CDH4: variants seen among roughly 807,000 people sequenced by gnomAD.
CDH4 encodes cadherin-4.
CDH4 carries 33 observed loss-of-function variants against 86.0 expected under a neutral mutation model. The ratio of observed to expected loss-of-function variants is 0.38; its 90% CI spans 0.29 to 0.51. CDH4 has a LOEUF of 0.51. Among genes scored for constraint, CDH4 ranks in the 20% least tolerant of loss-of-function variants. The pLI is 0.86. For missense variants in CDH4, 1,114 were observed against 1,307.4 expected (o/e 0.85, Z 2.28); for synonymous variants, 555 against 549.4 (o/e 1.01, Z -0.14).
chr20:61,790,511 C>A (rs1345162583), intron 4 of CDH4, among the ~76,000 whole-genome samples: 1 of 150,964 alleles, frequency 6.6e-6, no homozygotes, highest in Non-Finnish European at 1.5e-5. Context: ...ATCCATTCAT[C>A]TTTCTACCTA....
chr20:61,902,409 G>A lies in CDH4; in HGVS notation c.1188+7362G>A, dbSNP rs1036805514. 2.0e-5 allele frequency among the ~76,000 whole-genome samples: 3 copies of A among 152,248 alleles called. No homozygotes were observed. Among genetic ancestry groups the A allele is most frequent in the Admixed American group, 6.5e-5 (1 of 15,290 alleles). The stretch of plus-strand genomic sequence containing the variant: ...CCCTGGGGCACGCGGTCACCACCCC[G>A]CAGAACCGCTCCCGTGCTCGTTGCA... On this transcript the variant is annotated intron_variant, in intron 8 of 15. Transcript: ENST00000614565. This position sits in a 1 kb window ranked among gnomAD's most constrained non-coding sequence, Gnocchi z 4.6.
intron 4 of CDH4, among the ~76,000 whole-genome samples, chr20:61,795,063 GTTATAA>G (rs1979450508): frequency 5.6e-5 from 1 of 17,728 alleles, no homozygotes; most frequent in African/African-American, 2.0e-4. Context: ...GATGATGATG[GTTATAA>G]TGGTGAGGGT....
chr20:61,433,889 G>C (rs866543517), intron 2 of CDH4, among the ~76,000 whole-genome samples: 4 of 152,160 alleles, frequency 2.6e-5, no homozygotes, highest in Non-Finnish European at 5.9e-5. Flanking sequence ...AAGATAAGAC[G>C]CTGAGTAGTT....
In CDH4 at chr20:61,391,678, C is replaced by T. The variant is rs182216375; in HGVS notation, c.169+136741C>T. 1.6e-4 allele frequency among the ~76,000 whole-genome samples: 25 copies of T among 152,286 alleles called. 2 individuals are homozygous for T. In the East Asian group the frequency reaches 4.8e-3, roughly 29 times the overall value. On this transcript the variant is annotated intron_variant, in intron 2 of 15. Transcript: ENST00000614565. ...TTGGTCCAAAGCTCTTCTTCTCTCC[C>T]GTGGGGAATGTGAGCAGAACGATCC...
At chr20:61,650,008 G>C (rs1036951906) in intron 2 of CDH4, among the ~76,000 whole-genome samples, 3 of 152,186 alleles carry the variant, frequency 2.0e-5, no homozygotes, top group African/African-American at 7.2e-5. Context: ...GTCTCCCCAG[G>C]TTGTGCCAGC....
intron 5 of CDH4, among the ~76,000 whole-genome samples, chr20:61,845,732 C>T (rs1377434998): frequency 6.6e-6 from 1 of 152,300 alleles, no homozygotes; most frequent in Non-Finnish European, 1.5e-5. Flanking sequence ...AGCACAAGCC[C>T]GTGCTGTCAG....
chr20:61,526,959 C>G (rs186436778), intron 2 of CDH4, among the ~76,000 whole-genome samples: 155 of 152,362 alleles, frequency 1.0e-3, no homozygotes, highest in African/African-American at 3.5e-3. Context: ...TTTGATATGT[C>G]AAGCGTTCTA....
intron 2 of CDH4, among the ~76,000 whole-genome samples, chr20:61,335,542 T>G (rs2084612358): frequency 6.6e-6 from 1 of 152,206 alleles, no homozygotes. Context: ...CACCAGCAGT[T>G]GTTCCTAATA....
chr20:61,605,645 C>G (rs981789274), intron 2 of CDH4, among the ~76,000 whole-genome samples: 1 of 151,850 alleles, frequency 6.6e-6, no homozygotes, highest in African/African-American at 2.4e-5. Context: ...CTCCCTCTCT[C>G]TGTCTCTATC....
intron 2 of CDH4, among the ~76,000 whole-genome samples, chr20:61,602,432 A>G (rs899098488): frequency 6.6e-6 from 1 of 152,148 alleles, no homozygotes; most frequent in Non-Finnish European, 1.5e-5. Flanking sequence ...GAACAGCTGG[A>G]TGGACATCTT....
intron 4 of CDH4, among the ~76,000 whole-genome samples, chr20:61,837,786 A>C (rs1451755959): frequency 6.6e-6 from 1 of 151,940 alleles, no homozygotes; most frequent in African/African-American, 2.4e-5. Context: ...CTGTCCCTCC[A>C]CAATCCGCCC....
chr20:61,602,776 T>C (rs1009289196), intron 2 of CDH4, among the ~76,000 whole-genome samples: 6 of 148,358 alleles, frequency 4.0e-5, no homozygotes, highest in African/African-American at 1.5e-4. Context: ...ACCAACATCA[T>C]GAAATGATTT....
intron 7 of CDH4, among the ~76,000 whole-genome samples, chr20:61,891,098 C>G (rs34747831): frequency 0.14 from 20,538 of 151,898 alleles, 1,478 homozygotes; most frequent in South Asian, 0.23. Flanking sequence ...CCCGCAAGCA[C>G]AGAGGGGCAG....
At chr20:61,303,005 C>T (rs1409049907) in intron 2 of CDH4, among the ~76,000 whole-genome samples, 3 of 152,200 alleles carry the variant, frequency 2.0e-5, no homozygotes, top group African/African-American at 7.2e-5. Context: ...CTCCTGGGGC[C>T]TCCCCAGCAT....
chr20:61,859,000 G>A (rs945202625), intron 6 of CDH4, among the ~76,000 whole-genome samples: 1 of 152,234 alleles, frequency 6.6e-6, no homozygotes, highest in Non-Finnish European at 1.5e-5. Flanking sequence ...CTCTGCCAGA[G>A]GGGCTGCCCC....
At chr20:61,291,120 G>C (rs1053392958) in intron 2 of CDH4, among the ~76,000 whole-genome samples, 1 of 152,158 alleles carries the variant, frequency 6.6e-6, no homozygotes, top group Non-Finnish European at 1.5e-5. Context: ...GTCCCTGCGA[G>C]TGAGAACCTC....
intron 2 of CDH4, among the ~76,000 whole-genome samples, chr20:61,359,941 T>G (rs1014693173): frequency 3.9e-5 from 6 of 152,214 alleles, no homozygotes; most frequent in Admixed American, 3.9e-4. Context: ...AGAACAGGAC[T>G]TTCTGGAAGG....
In CDH4 at chr20:61,516,350, A is replaced by G. The variant is rs2427158; in HGVS notation, c.170-227213A>G. On this transcript the variant is annotated intron_variant, in intron 2 of 15. Coordinates refer to ENST00000614565, the MANE Select transcript of CDH4 (RefSeq NM_001794.5). The surrounding 1 kb of genome is among the most constrained non-coding windows in gnomAD (Gnocchi z 4.0). Reference sequence around the variant, plus strand: ...GCCATGGTCCCTGAGCAGTCATGGGACCAACATCTGTCACACACATACAGA... The same window carrying G: ...GCCATGGTCCCTGAGCAGTCATGGGGCCAACATCTGTCACACACATACAGA... Among the ~76,000 whole-genome samples, 87,858 of 151,898 alleles carry G rather than the reference A, an allele frequency of 0.58. 25,716 individuals are homozygous for G. The highest frequency in any genetic ancestry group is 0.65 in the African/African-American group (27,037 of 41,412).
At chr20:61,574,654 C>T (rs183464595) in intron 2 of CDH4, among the ~76,000 whole-genome samples, 6 of 152,202 alleles carry the variant, frequency 3.9e-5, no homozygotes, top group African/African-American at 1.4e-4. Flanking sequence ...GAAGGTGCCA[C>T]CTCCCCACAA....
Sources: gnomAD v4.1 joint callset for allele counts (sites outside exome capture counted in the v4.1 genomes callset) on GRCh38, gnomAD v4.1.1 for gene constraint, Gnocchi (gnomAD v3.1) non-coding constraint, MANE v1.5 for transcripts, NCBI Gene and HGNC (gene_info 2026-07-23, HGNC 2026-07-21) for gene names.